SLC24A3: variants seen among roughly 807,000 people sequenced by gnomAD.
SLC24A3 encodes the protein sodium/potassium/calcium exchanger 3.
Under a neutral mutation model 75.8 loss-of-function variants are expected in SLC24A3, and 28 were observed. The ratio of observed to expected loss-of-function variants is 0.37; its 90% CI spans 0.27 to 0.51. The LOEUF (loss-of-function observed/expected upper bound fraction) is 0.51, where lower values mean the gene tolerates loss of function less well. Among genes scored for constraint, SLC24A3 ranks in the 20% least tolerant of loss-of-function variants. The pLI, the probability that SLC24A3 is intolerant of heterozygous loss-of-function variation, is 0.94. For missense variants in SLC24A3, 663 were observed against 847.8 expected (o/e 0.78, Z 2.71); for synonymous variants, 372 against 334.1 (o/e 1.11, Z -1.24).
intron 2 of SLC24A3, among the ~76,000 whole-genome samples, chr20:19,502,108 A>G (rs535124641): frequency 6.6e-6 from 1 of 152,282 alleles, no homozygotes; most frequent in African/African-American, 2.4e-5. Context: ...CATAGCAGTT[A>G]GCTTTTCTCC....
rs187787418 is a variant in SLC24A3 at position 19,295,090 on chromosome 20, G to A, written c.271+14003G>A. On this transcript the variant is annotated intron_variant, in intron 2 of 16. Transcript: ENST00000328041. ...GCTTTTGTTCATATGTTTGTTGGCC[G>A]TACAAATGTCTTCTTTTGAGAAGTG... Among the ~76,000 whole-genome samples, 197 of 152,198 alleles carry A rather than the reference G, an allele frequency of 1.3e-3. 1 individual carries two copies. The highest frequency in any genetic ancestry group is 3.0e-3 in the African/African-American group (125 of 41,532).
intron 6 of SLC24A3, among the ~76,000 whole-genome samples, chr20:19,650,002 G>A (rs1268500495): frequency 3.9e-5 from 6 of 152,294 alleles, no homozygotes; most frequent in African/African-American, 9.6e-5. Context: ...GAATGGTGGT[G>A]TCAGAAAGGT....
chr20:19,217,609 C>G (rs748249627), intron 1 of SLC24A3, among the ~76,000 whole-genome samples: 2 of 152,196 alleles, frequency 1.3e-5, no homozygotes, highest in African/African-American at 4.8e-5. Flanking sequence ...GAGAGCCCGT[C>G]TTTGCCTTTG....
At chr20:19,378,677 T>A (rs1393093279) in intron 2 of SLC24A3, among the ~76,000 whole-genome samples, 2 of 152,118 alleles carry the variant, frequency 1.3e-5, no homozygotes, top group Non-Finnish European at 2.9e-5. Context: ...AAGCAGGAAG[T>A]CTCTGGAGGA....
At chr20:19,711,132 A>AAC (rs79213522) in intron 15 of SLC24A3, among the ~76,000 whole-genome samples, 104,003 of 150,064 alleles carry the variant, frequency 0.69, 36,388 homozygotes, top group East Asian at 0.94. Context: ...CATGCAGGCA[A>AAC]ACACACACAC....
In SLC24A3 at chr20:19,232,640, A is replaced by C. The variant is rs1475482760; in HGVS notation, c.142+19656A>C. Among the ~76,000 whole-genome samples, 12 of 152,252 alleles carry C rather than the reference A, an allele frequency of 7.9e-5. No individual in the cohort carries two copies. In the South Asian group the frequency reaches 8.3e-4, roughly 10 times the overall value. ...TCACCGTAGTAGTCCAGTAGCCTGC[A>C]CTAGCTGGGAAAGCCACTGACGAGG... On this transcript the variant is annotated intron_variant, in intron 1 of 16. Transcript: ENST00000328041.
At chr20:19,552,709 C>G (rs1433267870) in intron 3 of SLC24A3, among the ~76,000 whole-genome samples, 1 of 152,122 alleles carries the variant, frequency 6.6e-6, no homozygotes, top group Non-Finnish European at 1.5e-5. Flanking sequence ...TTCCTTCTTT[C>G]TGACCCCTCT....
At position 19,625,386 on chromosome 20, in the gene SLC24A3, A is replaced by G. The variant is rs1033365914; in HGVS notation, c.613-28676A>G. Among the ~76,000 whole-genome samples, 12 of 152,312 alleles carry G rather than the reference A, an allele frequency of 7.9e-5. No homozygotes were observed. In the East Asian group the frequency reaches 2.3e-3, roughly 29 times the overall value. On this transcript the variant is annotated intron_variant, in intron 6 of 16. Coordinates refer to ENST00000328041, the MANE Select transcript of SLC24A3 (RefSeq NM_020689.4). ...CATATTAAGTGCAGATAGAGTTTGG[A>G]AGATGTATTTCCTTCCTCAGTTACT...
At chr20:19,716,076 A>G (rs1407856113) in intron 15 of SLC24A3, among the ~76,000 whole-genome samples, 2 of 152,186 alleles carry the variant, frequency 1.3e-5, no homozygotes, top group African/African-American at 4.8e-5. Flanking sequence ...GTTAAAGCAC[A>G]GATTCTTGGG....
chr20:19,281,631 A>G (rs1424266740), intron 2 of SLC24A3, among the ~76,000 whole-genome samples: 1 of 152,064 alleles, frequency 6.6e-6, no homozygotes, highest in African/African-American at 2.4e-5. Context: ...ACTAAACAGA[A>G]AAAGAAAACA....
At chr20:19,298,728 C>T (rs928801480) in intron 2 of SLC24A3, among the ~76,000 whole-genome samples, 1 of 152,210 alleles carries the variant, frequency 6.6e-6, no homozygotes, top group African/African-American at 2.4e-5. Flanking sequence ...CCAGGCAGAT[C>T]TTTTTATTTT....
chr20:19,640,367 G>C (rs965802095), intron 6 of SLC24A3, among the ~76,000 whole-genome samples: 5 of 152,232 alleles, frequency 3.3e-5, no homozygotes, highest in Non-Finnish European at 4.4e-5. Flanking sequence ...GAGGAAGGCT[G>C]GGGTGAGGCA....
At chr20:19,684,953 C>G in intron 11 of SLC24A3, 147 bp from the exon 12 acceptor site, 2 of 930,676 alleles carry the variant, frequency 2.1e-6, no homozygotes, top group South Asian at 1.9e-5. Flanking sequence ...TTGGTTATCA[C>G]ATTGAGAGGC....
chr20:19,358,816 C>A (rs1462441188), intron 2 of SLC24A3, among the ~76,000 whole-genome samples: 1 of 152,144 alleles, frequency 6.6e-6, no homozygotes, highest in African/African-American at 2.4e-5. Flanking sequence ...AATCTGTGTT[C>A]CTTCTGTATG....
chr20:19,683,391 C>T (rs1366248529), intron 10 of SLC24A3, among the ~76,000 whole-genome samples: 1 of 152,198 alleles, frequency 6.6e-6, no homozygotes. Context: ...TGTGCATATA[C>T]AGCTCATTCA....
At chr20:19,492,433 A>G (rs1488636931) in intron 2 of SLC24A3, among the ~76,000 whole-genome samples, 1 of 152,228 alleles carries the variant, frequency 6.6e-6, no homozygotes, top group South Asian at 2.1e-4. Context: ...GAGACAACGC[A>G]TCTGTAGCCT....
chr20:19,558,119 T>C (rs1481045542), intron 3 of SLC24A3, among the ~76,000 whole-genome samples: 1 of 152,176 alleles, frequency 6.6e-6, no homozygotes, highest in East Asian at 1.9e-4. Context: ...TTCAGGGCCC[T>C]TGAAGAAACA....
intron 2 of SLC24A3, among the ~76,000 whole-genome samples, chr20:19,315,643 T>C (rs1984568783): frequency 1.3e-5 from 2 of 152,170 alleles, no homozygotes; most frequent in Admixed American, 6.5e-5. Context: ...TGTGCTCAGG[T>C]CATGATCAAG....
intron 2 of SLC24A3, among the ~76,000 whole-genome samples, chr20:19,401,355 A>G (rs6035323): frequency 0.021 from 3,246 of 152,314 alleles, 127 homozygotes; most frequent in African/African-American, 0.072. Flanking sequence ...AGAGGAACCG[A>G]TGAAAGATTT....
Sources: gnomAD v4.1 joint callset for allele counts (sites outside exome capture counted in the v4.1 genomes callset) on GRCh38, gnomAD v4.1.1 for gene constraint, MANE v1.5 for transcripts, NCBI Gene and HGNC (gene_info 2026-07-23, HGNC 2026-07-21) for gene names.